Variants in BCL2 observed in about 807,000 individuals in gnomAD.
BCL2 encodes BCL2 apoptosis regulator.
A neutral mutation model predicts 14.2 loss-of-function variants in BCL2; 1 was observed. The ratio of observed to expected loss-of-function variants is 0.07; its 90% CI spans 0.02 to 0.33. The LOEUF (loss-of-function observed/expected upper bound fraction) is 0.33. BCL2 is among the 10% of genes least tolerant of loss of function. The pLI, the probability that BCL2 is intolerant of heterozygous loss-of-function variation, is 0.99. For missense variants in BCL2, 247 were observed against 305.9 expected (o/e 0.81, Z 1.44); for synonymous variants, 151 against 137.2 (o/e 1.10, Z -0.70).
intron 2 of BCL2, chr18:63,313,788 A>T (rs1913410038): frequency 6.6e-6 from 1 of 152,184 alleles, no homozygotes; most frequent in Non-Finnish European, 1.5e-5. Context: ...AGAGATAAGA[A>T]AAAACAACAA....
chr18:63,183,587 A>G (rs78650525), intron 2 of BCL2, among the ~76,000 whole-genome samples: 7,880 of 152,278 alleles, frequency 0.052, 233 homozygotes, highest in African/African-American at 0.065. Context: ...ATGAGAGAAA[A>G]TTCAAAGACA....
rs559679274 is a variant in BCL2 at position 63,302,974 on chromosome 18, T to C, written c.585+15108A>G. 33 of 683,510 alleles carry C rather than the reference T, an allele frequency of 4.8e-5. No homozygotes were observed. The African/African-American group carries it at 5.7e-4, about 12-fold the overall frequency. 42.3% of individuals were successfully genotyped at this position (683,510 alleles called of 1,614,324 possible). A position where few individuals can be genotyped will look rare whatever the true frequency, so the allele number is the denominator to read the frequency against. ...TGCTGAAGGTGGGTTTGTTTTTAAG[T>C]AGAATAAAATGTACAGCTGAATATA... On this transcript the variant is annotated intron_variant, in intron 2 of 2. Transcript: ENST00000333681.
chr18:63,198,888 CAG>C (rs1185334832), intron 2 of BCL2, among the ~76,000 whole-genome samples: 1 of 152,238 alleles, frequency 6.6e-6, no homozygotes, highest in Non-Finnish European at 1.5e-5. Context: ...CACACAGACA[CAG>C]AGACACACAC....
intron 2 of BCL2, among the ~76,000 whole-genome samples, chr18:63,272,768 T>C (rs983361607): frequency 3.9e-5 from 6 of 152,244 alleles, no homozygotes; most frequent in African/African-American, 1.4e-4. Context: ...ATATATTTTA[T>C]ATAAAACAGG....
At position 63,227,398 on chromosome 18, in the gene BCL2, G is replaced by A. The variant is rs866366347; in HGVS notation, c.585+90684C>T. 1.2e-4 allele frequency among the ~76,000 whole-genome samples: 18 copies of A among 152,264 alleles called. No homozygotes were observed. The Middle Eastern group carries it at 0.014, about 115-fold the overall frequency. On this transcript the variant is annotated intron_variant, in intron 2 of 2. Transcript: ENST00000333681. ...AATTTTTTGTATTTTTGGTAGAGAC[G>A]TGGTTTCACCGTATTGCCCAGGCTA... is the stretch of plus-strand genomic sequence containing the variant.
intron 2 of BCL2, among the ~76,000 whole-genome samples, chr18:63,284,012 C>T (rs987249997): frequency 2.0e-5 from 3 of 152,152 alleles, no homozygotes; most frequent in Non-Finnish European, 2.9e-5. Context: ...AATCAAAATC[C>T]GGCTTTTGTC....
chr18:63,152,171 A>G (rs1189317148), intron 2 of BCL2, among the ~76,000 whole-genome samples: 1 of 152,218 alleles, frequency 6.6e-6, no homozygotes, highest in Non-Finnish European at 1.5e-5. Context: ...AGACTCACTA[A>G]CAACTAGTCA....
At chr18:63,215,620 G>C (rs12961672) in intron 2 of BCL2, among the ~76,000 whole-genome samples, 64,840 of 152,082 alleles carry the variant, frequency 0.43, 16,595 homozygotes, top group Non-Finnish European at 0.58. Context: ...ATCTAGAAGA[G>C]AGGAATTAGA....
chr18:63,193,111 T>A (rs143990287), intron 2 of BCL2, among the ~76,000 whole-genome samples: 1 of 152,334 alleles, frequency 6.6e-6, no homozygotes, highest in African/African-American at 2.4e-5. Context: ...CACATGTTAC[T>A]GTGGTCATCA....
At chr18:63,259,968 C>T (rs1181369580) in intron 2 of BCL2, among the ~76,000 whole-genome samples, 1 of 152,210 alleles carries the variant, frequency 6.6e-6, no homozygotes, top group Non-Finnish European at 1.5e-5. Flanking sequence ...CCACAGCTGG[C>T]CTTTTCTCCG....
At chr18:63,255,007 C>T (rs1396966180) in intron 2 of BCL2, among the ~76,000 whole-genome samples, 2 of 152,184 alleles carry the variant, frequency 1.3e-5, no homozygotes, top group African/African-American at 4.8e-5. Flanking sequence ...GATTGCAGAG[C>T]TCACTGCTGT....
At chr18:63,284,074 G>A (rs913808015) in intron 2 of BCL2, among the ~76,000 whole-genome samples, 2 of 152,178 alleles carry the variant, frequency 1.3e-5, no homozygotes, top group African/African-American at 2.4e-5. Flanking sequence ...CCCTGAGCGC[G>A]CTGACGAATG....
chr18:63,222,812 G>C (rs915886563), intron 2 of BCL2, among the ~76,000 whole-genome samples: 5 of 152,166 alleles, frequency 3.3e-5, no homozygotes, highest in African/African-American at 1.2e-4. Flanking sequence ...CAATAGGAGA[G>C]GAGATTTTAA....
intron 2 of BCL2, among the ~76,000 whole-genome samples, chr18:63,311,809 G>T (rs1005218176): frequency 6.6e-6 from 1 of 152,138 alleles, no homozygotes; most frequent in Non-Finnish European, 1.5e-5. Flanking sequence ...GTCACTCTCA[G>T]TATATTGCTA....
At chr18:63,229,167 GATTTT>G in intron 2 of BCL2, among the ~76,000 whole-genome samples, 1 of 151,992 alleles carries the variant, frequency 6.6e-6, no homozygotes, top group East Asian at 1.9e-4. Context: ...TATAGTGGGA[GATTTT>G]ATTTATTTAT....
intron 2 of BCL2, among the ~76,000 whole-genome samples, chr18:63,252,822 T>C (rs1478560435): frequency 3.9e-5 from 6 of 152,138 alleles, no homozygotes; most frequent in Admixed American, 3.9e-4. Context: ...CTTTGTAAAT[T>C]TGATGGGGTC....
intron 2 of BCL2, among the ~76,000 whole-genome samples, chr18:63,143,166 T>C (rs1183243950): frequency 2.0e-5 from 3 of 152,098 alleles, no homozygotes; most frequent in Non-Finnish European, 2.9e-5. Flanking sequence ...CTGCTGTATA[T>C]AGAACTAGAG....
At chr18:63,304,646 G>C (rs1173583001) in intron 2 of BCL2, among the ~76,000 whole-genome samples, 2 of 152,160 alleles carry the variant, frequency 1.3e-5, no homozygotes, top group East Asian at 3.9e-4. Context: ...TTGTCACATA[G>C]GTAAACTTGT....
Position 63,124,965 on chromosome 18 carries a change from T to C in BCL2, c.*3660A>G. 1 of 222,318 alleles carries C rather than the reference T, an allele frequency of 4.5e-6. No homozygotes were observed. Among genetic ancestry groups the C allele is most frequent in the Non-Finnish European group, 9.0e-6 (1 of 110,908 alleles). 13.8% of individuals were successfully genotyped at this position (222,318 alleles called of 1,614,324 possible). A position where few individuals can be genotyped will look rare whatever the true frequency, so the allele number is the denominator to read the frequency against. ...ATTAATTAGAGTTTAAGTTCACATTTATAAACTATTTGTTTTAGGATAAGT... is the reference window on the plus strand; with the variant it reads ...ATTAATTAGAGTTTAAGTTCACATTCATAAACTATTTGTTTTAGGATAAGT... On this transcript the variant is annotated 3_prime_UTR_variant, in exon 3 of 3. Transcript: ENST00000333681.
Sources: gnomAD v4.1 joint callset for allele counts (sites outside exome capture counted in the v4.1 genomes callset) on GRCh38, gnomAD v4.1.1 for gene constraint, MANE v1.5 for transcripts, NCBI Gene and HGNC (gene_info 2026-07-23, HGNC 2026-07-21) for gene names.